The following DOP1B variants were observed in gnomAD, a reference collection of about 807,000 sequenced individuals.
DOP1B encodes the protein protein DOP1B.
DOP1B carries 174 observed loss-of-function variants against 233.5 expected under a neutral mutation model. That is an observed-to-expected ratio of 0.75 (90% CI 0.66 to 0.85). The LOEUF (loss-of-function observed/expected upper bound fraction) is 0.85, where lower values mean the gene tolerates loss of function less well. Ranked by LOEUF, DOP1B falls within the 40% of genes least tolerant of loss-of-function variation. DOP1B has a pLI of 0.00. For synonymous variants in DOP1B, 1,190 were observed against 1,185.6 expected, an observed-to-expected ratio of 1.00 and a Z score of -0.08; for missense variants, 2,652 against 2,846.6, an observed-to-expected ratio of 0.93 and a Z score of 1.56.
intron 2 of DOP1B, among the ~76,000 whole-genome samples, chr21:36,173,462 C>T (rs1191377433): frequency 1.3e-5 from 2 of 149,788 alleles, no homozygotes; most frequent in African/African-American, 2.5e-5. Context: ...TGCTCTGTCG[C>T]CCAGGCTGGA....
chr21:36,233,150 G>A, intron 15 of DOP1B, 75 bp downstream of exon 15: 1 of 1,523,996 alleles, frequency 6.6e-7, no homozygotes, highest in Non-Finnish European at 8.8e-7. Flanking sequence ...TATTGCTGGG[G>A]ATGGGGGCAG....
chr21:36,211,477 C>G (rs1159687505), intron 5 of DOP1B, 76 bp from the exon 6 acceptor site: 8 of 1,355,226 alleles, frequency 5.9e-6, no homozygotes, highest in Non-Finnish European at 7.4e-6. Context: ...TTTCAAGATT[C>G]CCGGGAAAGG....
intron 10 of DOP1B, among the ~76,000 whole-genome samples, chr21:36,222,417 A>G (rs2066636257): frequency 6.6e-6 from 1 of 151,564 alleles, no homozygotes; most frequent in Non-Finnish European, 1.5e-5. Context: ...CCCCGTCTCT[A>G]CTAAAAATAC....
chr21:36,205,473 C>G (rs2066416441), intron 4 of DOP1B, among the ~76,000 whole-genome samples: 1 of 152,022 alleles, frequency 6.6e-6, no homozygotes, highest in Non-Finnish European at 1.5e-5. Flanking sequence ...CCTGCAGCCT[C>G]CACCTCCTGG....
At chr21:36,197,776 G>T (rs2066308482) in intron 2 of DOP1B, among the ~76,000 whole-genome samples, 1 of 152,214 alleles carries the variant, frequency 6.6e-6, no homozygotes, top group African/African-American at 2.4e-5. Flanking sequence ...TTGGGAGGCC[G>T]AGGCGGGTGG....
intron 24 of DOP1B, among the ~76,000 whole-genome samples, 156 bp from the exon 25 acceptor site, chr21:36,263,390 G>C (rs1279269505): frequency 1.3e-5 from 2 of 152,184 alleles, no homozygotes; most frequent in Non-Finnish European, 2.9e-5. Flanking sequence ...CCAAAGTTTA[G>C]CTCATGTACA....
intron 27 of DOP1B, among the ~76,000 whole-genome samples, chr21:36,271,279 T>G (rs149602680): frequency 1.9e-4 from 27 of 138,530 alleles, no homozygotes; most frequent in Admixed American, 9.9e-4. Flanking sequence ...AGGTTGGAGT[T>G]CACCCAGGTT....
At position 36,193,216 on chromosome 21, in the gene DOP1B, T is replaced by A. The variant is rs181779750; in HGVS notation, c.139-5854T>A. ...AAGAGAGATTAACGAGAGAAAAGCA[T>A]GCAAATTAAGTTTTACATGGCATGA... On this transcript the variant is annotated intron_variant, in intron 2 of 36. Transcript: ENST00000691173. 1.7e-4 allele frequency among the ~76,000 whole-genome samples: 26 copies of A among 152,262 alleles called. No homozygotes were observed. The East Asian group carries it at 4.8e-3, about 28-fold the overall frequency.
At chr21:36,288,530 A>C (rs2067515314) in intron 33 of DOP1B, among the ~76,000 whole-genome samples, 1 of 152,140 alleles carries the variant, frequency 6.6e-6, no homozygotes, top group African/African-American at 2.4e-5. Context: ...CCTTGTCTAC[A>C]AAAAAATACA....
chr21:36,191,744 C>T, intron 2 of DOP1B, among the ~76,000 whole-genome samples: 1 of 151,724 alleles, frequency 6.6e-6, no homozygotes, highest in East Asian at 1.9e-4. Flanking sequence ...CGAGATCACA[C>T]CACTGCACTC....
intron 15 of DOP1B, among the ~76,000 whole-genome samples, chr21:36,235,250 A>G (rs1278738467): frequency 1.3e-5 from 2 of 152,038 alleles, no homozygotes; most frequent in African/African-American, 4.8e-5. Context: ...CTGATCTTTC[A>G]GCCTTTTTTT....
intron 4 of DOP1B, among the ~76,000 whole-genome samples, chr21:36,204,576 A>G (rs1488062698): frequency 6.6e-5 from 10 of 151,862 alleles, no homozygotes; most frequent in Non-Finnish European, 1.5e-4. Context: ...CTCAACCTCC[A>G]AGGATAAAAC....
chr21:36,272,840 T>G (rs1446401275), intron 27 of DOP1B, among the ~76,000 whole-genome samples: 1 of 150,468 alleles, frequency 6.6e-6, no homozygotes, highest in African/African-American at 2.4e-5. Context: ...CAAAATTAGC[T>G]GGGTGTGGTG....
chr21:36,166,601 A>G (rs1199752219), intron 2 of DOP1B, among the ~76,000 whole-genome samples: 2 of 152,286 alleles, frequency 1.3e-5, no homozygotes, highest in East Asian at 3.9e-4. Context: ...GATGACCACT[A>G]CAACATGTAG....
rs148271763 is a variant in DOP1B, at chr21:36,166,858, C to T, written c.138+1987C>T. Among the ~76,000 whole-genome samples, 153 of 152,320 alleles carry T rather than the reference C, an allele frequency of 1.0e-3. 2 individuals are homozygous for T. The highest frequency in any genetic ancestry group is 1.8e-3 in the Non-Finnish European group (121 of 68,020). ...GATGGGCAGTTCTTACAGCTCGTGGCCAGTAAGCTGCTGGTCTTTTGCAAG... is the reference window on the plus strand; with the variant it reads ...GATGGGCAGTTCTTACAGCTCGTGGTCAGTAAGCTGCTGGTCTTTTGCAAG... On this transcript the variant is annotated intron_variant, in intron 2 of 36. Coordinates refer to ENST00000691173, the MANE Select transcript of DOP1B (RefSeq NM_001320714.2).
At chr21:36,200,622 T>C in intron 4 of DOP1B, 121 bp downstream of exon 4, 1 of 1,239,144 alleles carries the variant, frequency 8.1e-7, no homozygotes, top group Non-Finnish European at 1.1e-6. Context: ...GGTGGGTGGA[T>C]CACAAGGTCA....
At chr21:36,280,741 C>T (rs1024748555) in intron 31 of DOP1B, among the ~76,000 whole-genome samples, 2 of 152,162 alleles carry the variant, frequency 1.3e-5, no homozygotes, top group African/African-American at 4.8e-5. Context: ...CGGTGGCTCA[C>T]GCCTGTAATC....
At chr21:36,232,287 T>C (rs568974752) in intron 14 of DOP1B, among the ~76,000 whole-genome samples, 1 of 152,282 alleles carries the variant, frequency 6.6e-6, no homozygotes, top group East Asian at 1.9e-4. Context: ...CTGGCCAATA[T>C]TTTATATATT....
chr21:36,282,295 C>T (rs2032149), intron 32 of DOP1B, among the ~76,000 whole-genome samples: 19,199 of 151,980 alleles, frequency 0.13, 1,307 homozygotes, highest in South Asian at 0.25. Flanking sequence ...TGGTGCGCAC[C>T]TGTAATCCCA....
Sources: gnomAD v4.1 joint callset for allele counts (sites outside exome capture counted in the v4.1 genomes callset) on GRCh38, gnomAD v4.1.1 for gene constraint, MANE v1.5 for transcripts, NCBI Gene and HGNC (gene_info 2026-07-23, HGNC 2026-07-21) for gene names.